RAPH1: variants seen among roughly 807,000 people sequenced by gnomAD.
The protein encoded by RAPH1 is ras-associated and pleckstrin homology domains-containing protein 1.
In RAPH1, 18 loss-of-function variants were observed where a neutral mutation model predicts 88.1. That is an observed-to-expected ratio of 0.20 (90% CI 0.14 to 0.30). RAPH1 has a LOEUF of 0.30. RAPH1 is among the 10% of genes least tolerant of loss of function. RAPH1 has a pLI of 1.00. For synonymous variants in RAPH1, 587 were observed against 559.0 expected, an observed-to-expected ratio of 1.05 and a Z score of -0.71; for missense variants, 1,448 against 1,543.2, an observed-to-expected ratio of 0.94 and a Z score of 1.03.
intron 2 of RAPH1, among the ~76,000 whole-genome samples, chr2:203,492,164 G>A (rs1047256558): frequency 6.6e-6 from 1 of 150,994 alleles, no homozygotes; most frequent in African/African-American, 2.4e-5. Context: ...AGCCTGAGAG[G>A]CAGAGGTTGC....
At chr2:203,487,547 A>T (rs907429036) in intron 4 of RAPH1, among the ~76,000 whole-genome samples, 30 of 151,140 alleles carry the variant, frequency 2.0e-4, no homozygotes, top group African/African-American at 7.3e-4. Flanking sequence ...CATCCAACTA[A>T]TTTTTTTTTG....
rs1222995288 is a variant in RAPH1 at position 203,448,335 on chromosome 2, T to C, written c.1513-256A>G. ...ATTAATGTTTTTTCACCCCAAATTC[T>C]TGATCCAAGGGCAGCTTTTTAGCAC... On this transcript the variant is annotated intron_variant, in intron 11 of 13. Coordinates refer to ENST00000319170, the MANE Select transcript of RAPH1 (RefSeq NM_213589.3). The surrounding 1 kb of genome is among the most constrained non-coding windows in gnomAD (Gnocchi z 4.1). Among the ~76,000 whole-genome samples, 1 of 152,198 alleles carries C rather than the reference T, an allele frequency of 6.6e-6. No individual in the cohort carries two copies. Among genetic ancestry groups the C allele is most frequent in the Non-Finnish European group, 1.5e-5 (1 of 68,034 alleles).
At chr2:203,499,596 C>G (rs1396228624) in intron 1 of RAPH1, among the ~76,000 whole-genome samples, 3 of 152,022 alleles carry the variant, frequency 2.0e-5, no homozygotes, top group African/African-American at 7.2e-5. Context: ...GCCTGTAATC[C>G]CAGCTACTTG....
chr2:203,441,565 A>G (rs1342453605), intron 13 of RAPH1, 152 bp from the exon 14 acceptor site: 1 of 1,371,518 alleles, frequency 7.3e-7, no homozygotes, highest in Admixed American at 3.5e-5. Context: ...ATAAAGATGG[A>G]CAATGTCAGG....
intron 1 of RAPH1, among the ~76,000 whole-genome samples, chr2:203,517,987 A>G (rs553147207): frequency 1.5e-3 from 230 of 152,270 alleles, no homozygotes; most frequent in Non-Finnish European, 2.1e-3. Context: ...AATCCTAAAT[A>G]AACAGAAGAA....
intron 4 of RAPH1, among the ~76,000 whole-genome samples, chr2:203,484,961 T>C (rs763722231): frequency 2.0e-5 from 3 of 152,110 alleles, no homozygotes; most frequent in Non-Finnish European, 2.9e-5. Context: ...AATAGCTCAT[T>C]GTAAGGGAAA....
chr2:203,496,486 T>C (rs1289261973), intron 1 of RAPH1, among the ~76,000 whole-genome samples: 1 of 152,174 alleles, frequency 6.6e-6, no homozygotes, highest in Admixed American at 6.5e-5. Flanking sequence ...AATATAAATA[T>C]TTCAATATTA....
intron 1 of RAPH1, among the ~76,000 whole-genome samples, chr2:203,532,324 T>C (rs1690425213): frequency 1.3e-5 from 2 of 152,192 alleles, no homozygotes; most frequent in African/African-American, 2.4e-5. Flanking sequence ...TTTCTGGAGA[T>C]GGTGGTGATG....
chr2:203,441,579 G>C lies in RAPH1; in HGVS notation c.1777-166C>G, dbSNP rs2098504207. On this transcript the variant is annotated intron_variant, in intron 13 of 13. Coordinates refer to ENST00000319170, the MANE Select transcript of RAPH1 (RefSeq NM_213589.3). ...CATAAAGATGGACAATGTCAGGAAG[G>C]CTAAAATCTGATTGTGCGGGCAAGA... 4 of 1,361,914 alleles carry C rather than the reference G, an allele frequency of 2.9e-6. No homozygotes were observed. In the Admixed American group the frequency reaches 1.4e-4, roughly 48 times the overall value. 84.4% of individuals were successfully genotyped at this position (1,361,914 alleles called of 1,614,324 possible). A position where few individuals can be genotyped will look rare whatever the true frequency, so the allele number is the denominator to read the frequency against.
intron 4 of RAPH1, among the ~76,000 whole-genome samples, chr2:203,476,909 C>T (rs1350023806): frequency 6.6e-6 from 1 of 152,146 alleles, no homozygotes; most frequent in East Asian, 1.9e-4. Context: ...TATTAATATT[C>T]AGTTGTACCA....
At chr2:203,481,913 T>C (rs1463629164) in intron 4 of RAPH1, among the ~76,000 whole-genome samples, 1 of 151,416 alleles carries the variant, frequency 6.6e-6, no homozygotes, top group Admixed American at 6.6e-5. Context: ...CATGAATATA[T>C]TTCTATTATT....
intron 1 of RAPH1, among the ~76,000 whole-genome samples, chr2:203,512,553 A>G (rs1689395411): frequency 6.6e-6 from 1 of 152,020 alleles, no homozygotes; most frequent in Non-Finnish European, 1.5e-5. Context: ...AATAGTCTAA[A>G]AAACTTATTG....
intron 4 of RAPH1, among the ~76,000 whole-genome samples, chr2:203,481,296 C>G (rs529413117): frequency 1.2e-4 from 18 of 152,066 alleles, no homozygotes; most frequent in African/African-American, 3.6e-4. Flanking sequence ...GGTTCAAACC[C>G]TTGGGCAAGT....
At chr2:203,470,658 A>G (rs538375222) in intron 4 of RAPH1, among the ~76,000 whole-genome samples, 29 of 152,352 alleles carry the variant, frequency 1.9e-4, no homozygotes, top group African/African-American at 7.0e-4. Context: ...AAATAAATGA[A>G]TGTCAGAGAC....
At chr2:203,526,514 C>T (rs569494912) in intron 1 of RAPH1, among the ~76,000 whole-genome samples, 2 of 152,118 alleles carry the variant, frequency 1.3e-5, no homozygotes, top group East Asian at 3.9e-4. Context: ...CACCTGAGGT[C>T]AGGAGTTCAA....
chr2:203,450,351 A>T (rs2098513784), intron 10 of RAPH1, among the ~76,000 whole-genome samples: 1 of 152,252 alleles, frequency 6.6e-6, no homozygotes, highest in Non-Finnish European at 1.5e-5. Context: ...TTTAAACAAT[A>T]AACCCTCAAC....
chr2:203,475,155 C>A (rs908517551), intron 4 of RAPH1, among the ~76,000 whole-genome samples: 1 of 152,166 alleles, frequency 6.6e-6, no homozygotes, highest in African/African-American at 2.4e-5. Context: ...TGCCTGTAAT[C>A]CCAGCACCTT....
intron 4 of RAPH1, among the ~76,000 whole-genome samples, chr2:203,471,951 C>T (rs2098533508): frequency 6.6e-6 from 1 of 152,000 alleles, no homozygotes; most frequent in African/African-American, 2.4e-5. Flanking sequence ...ATTGTGTAGT[C>T]CTCCTAAAGG....
intron 13 of RAPH1, chr2:203,444,649 C>A (rs1352093739): frequency 4.7e-6 from 2 of 427,954 alleles, no homozygotes; most frequent in Non-Finnish European, 4.1e-6. Context: ...GATTTTAAGT[C>A]ATTAGAGCCA....
Sources: allele counts gnomAD v4.1 joint callset (sites outside exome capture counted in the v4.1 genomes callset), GRCh38; gene constraint gnomAD v4.1.1; non-coding constraint Gnocchi (gnomAD v3.1); transcripts MANE v1.5; gene names NCBI Gene and HGNC (gene_info 2026-07-23, HGNC 2026-07-21).